The following RNF166 variants were observed in gnomAD, a reference collection of about 807,000 sequenced individuals.
The protein encoded by RNF166 is E3 ubiquitin-protein ligase RNF166.
In RNF166, 19 loss-of-function variants were observed where a neutral mutation model predicts 29.4. The ratio of observed to expected loss-of-function variants is 0.65; its 90% CI spans 0.45 to 0.95. RNF166 has a LOEUF of 0.95. Among genes scored for constraint, RNF166 ranks in the 40% least tolerant of loss-of-function variants. The probability of loss-of-function intolerance (pLI) is 0.00; values close to 1 mark genes in which losing one functional copy is unlikely to be tolerated. For missense variants in RNF166, 347 were observed against 322.1 expected, an observed-to-expected ratio of 1.08 and a Z score of -0.59; for synonymous variants, 171 against 134.5, an observed-to-expected ratio of 1.27 and a Z score of -1.88.
chr16:88,704,998 A>T (rs767233110), intron 1 of RNF166, among the ~76,000 whole-genome samples: 1 of 152,190 alleles, frequency 6.6e-6, no homozygotes, highest in Non-Finnish European at 1.5e-5. Context: ...CTCAAAAAAA[A>T]ATATTCCCGT....
intron 1 of RNF166, chr16:88,704,590 C>T (rs1053603691): frequency 1.0e-6 from 1 of 984,824 alleles, no homozygotes; most frequent in Non-Finnish European, 1.2e-6. Context: ...GCACCCAAAG[C>T]CTACGGGAGG....
chr16:88,701,800 G>A (rs1000433889), intron 1 of RNF166: 18 of 228,194 alleles, frequency 7.9e-5, no homozygotes, highest in Non-Finnish European at 1.4e-4. Context: ...GGGACAGCCC[G>A]GGGACTCTGG....
chr16:88,700,302 C>G (rs1188113766), intron 2 of RNF166, among the ~76,000 whole-genome samples: 1 of 152,200 alleles, frequency 6.6e-6, no homozygotes, highest in Non-Finnish European at 1.5e-5. Context: ...CCGGGAGACA[C>G]AGCCGCATCT....
At chr16:88,705,936 A>C (rs915344775) in intron 1 of RNF166, among the ~76,000 whole-genome samples, 4 of 151,956 alleles carry the variant, frequency 2.6e-5, no homozygotes, top group African/African-American at 7.2e-5. Flanking sequence ...CCGAAGCAGC[A>C]GTCGGACCGG....
rs577363499 is a variant in RNF166 at position 88,698,416 on chromosome 16, C to T, written c.648+86G>A. On this transcript the variant is annotated intron_variant, in intron 5 of 5. Coordinates refer to ENST00000312838, the MANE Select transcript of RNF166 (RefSeq NM_178841.4). ...TGTTTCTGGCTTCCTCTGAACCCTG[C>T]GGACCCTGAGGCTGGCGAGGGGCCC... The T allele has an allele frequency of 1.3e-3, 1,352 of 1,058,912 alleles. 2 individuals are homozygous for T. The highest frequency in any genetic ancestry group is 1.7e-3 in the Non-Finnish European group (1,202 of 697,858). 65.6% of individuals were successfully genotyped at this position (1,058,912 alleles called of 1,614,324 possible).
Position 88,706,345 on chromosome 16 carries a change from C to G in RNF166, c.-20G>C. ...AGCCATCCCGGGGCCAGGCCCGCGC[C>G]GCCCGCCGCCCGCTGTCCTGGCCCG... On this transcript the variant is annotated 5_prime_UTR_variant, in exon 1 of 6. Transcript: ENST00000312838. 8.2e-7 allele frequency: 1 copy of G among 1,212,586 alleles called. No homozygotes were observed. Among genetic ancestry groups the G allele is most frequent in the Non-Finnish European group, 1.0e-6 (1 of 975,868 alleles). The allele number at this position is 1,212,586 out of a possible 1,614,324, so 75.1% of individuals were successfully genotyped here. A position where few individuals can be genotyped will look rare whatever the true frequency, so the allele number is the denominator to read the frequency against.
Position 88,699,087 on chromosome 16 carries a change from T to C in RNF166, c.426-2A>G. On this transcript the variant is annotated splice_acceptor_variant, in intron 3 of 5. Coordinates refer to ENST00000312838, the MANE Select transcript of RNF166 (RefSeq NM_178841.4). LOFTEE classifies it high-confidence loss of function. Reference sequence around the variant, plus strand: ...AAGGTGGACCTGTTGGGGATGTTGCTGGCGGGGCGGGGGTAGAGTGAGTGG... The same window carrying C: ...AAGGTGGACCTGTTGGGGATGTTGCCGGCGGGGCGGGGGTAGAGTGAGTGG... 1.9e-6 allele frequency: 3 copies of C among 1,598,232 alleles called. No homozygotes were observed. Among genetic ancestry groups the C allele is most frequent in the Non-Finnish European group, 2.6e-6 (3 of 1,171,168 alleles).
chr16:88,703,537 G>A (rs1419102784), intron 1 of RNF166: 4 of 985,288 alleles, frequency 4.1e-6, no homozygotes, highest in Non-Finnish European at 4.8e-6. Context: ...GGCAGAACGA[G>A]GCACCCACAG....
rs1160890394 is a variant in RNF166 at position 88,698,554 on chromosome 16, T to C, written c.596A>G (p.Asn199Ser). Residue 199 changes from asparagine (N) to serine (S), a missense_variant, in exon 5 of 6, where the codon AAC becomes AGC. Asn to Ser is a conservative substitution (Grantham distance 46). Transcript: ENST00000312838. ...TCGGTGAAGCAGGTGCTGCAGGAAG[T>C]TGGCGCTCTTGTAGCTGGGGTCCCC... Reference protein sequence around the residue: ...PWGDPSYKSANFLQHLLHRHK... With the variant: ...PWGDPSYKSASFLQHLLHRHK... 2.5e-6 allele frequency: 4 copies of C among 1,572,718 alleles called. No individual in the cohort carries two copies. The highest frequency in any genetic ancestry group is 1.2e-5 in the South Asian group (1 of 85,674).
At chr16:88,700,837 G>A in intron 2 of RNF166, 1 of 1,055,056 alleles carries the variant, frequency 9.5e-7, no homozygotes, top group Non-Finnish European at 1.2e-6. Flanking sequence ...GGCCCTCCTG[G>A]CAGCTGGAGG....
intron 3 of RNF166, 108 bp from the exon 4 acceptor site, chr16:88,699,193 CAAGAG>C: frequency 1.2e-6 from 1 of 824,472 alleles, no homozygotes; most frequent in South Asian, 1.5e-5. Flanking sequence ...CTGTAGGCTG[CAAGAG>C]CGTGGCAGTG....
chr16:88,703,002 G>A (rs1182376201), intron 1 of RNF166: 3 of 985,280 alleles, frequency 3.0e-6, no homozygotes, highest in Admixed American at 6.1e-5. Context: ...AAGAGACGGC[G>A]TGGCGTGCAC....
At chr16:88,703,705 G>C in intron 1 of RNF166, 4 of 985,510 alleles carry the variant, frequency 4.1e-6, no homozygotes, top group Middle Eastern at 5.2e-4. Context: ...AAGTGGCTGA[G>C]GGCGATGGGT....
intron 1 of RNF166, chr16:88,704,595 G>C (rs569138260): frequency 2.0e-6 from 2 of 983,282 alleles, no homozygotes; most frequent in African/African-American, 1.7e-5. Flanking sequence ...CAAAGCCTAC[G>C]GGAGGCTTTT....
Position 88,697,582 on chromosome 16 carries a change from G to C in RNF166, c.700C>G (p.Leu234Val). ...TGCGCTTCCCTTCAGTTCTCAGAGA[G>C]AGACAGGGCCAGAGCAGCCTGGAAG... ...AAFQAALALS[L>V]SEN is the part of the protein sequence containing the mutation. Residue 234 changes from leucine to valine, a missense_variant, in exon 6 of 6, where the codon CTC (leucine) becomes GTC (valine). Transcript: ENST00000312838. 6.4e-7 allele frequency: 1 copy of C among 1,550,622 alleles called. No homozygotes were observed.
chr16:88,704,778 T>C (rs1597414648), intron 1 of RNF166, among the ~76,000 whole-genome samples: 1 of 151,980 alleles, frequency 6.6e-6, no homozygotes. Flanking sequence ...TCACCGGAGG[T>C]CAGGAGTTCG....
chr16:88,697,704 C>G (rs1449143695), intron 5 of RNF166, 71 bp from the exon 6 acceptor site: 2 of 1,172,422 alleles, frequency 1.7e-6, no homozygotes, highest in Non-Finnish European at 1.2e-6. Flanking sequence ...TGCCCATCAC[C>G]CACACAGGCG....
At chr16:88,704,624 C>A in intron 1 of RNF166, 3 of 884,860 alleles carry the variant, frequency 3.4e-6, no homozygotes, top group Non-Finnish European at 4.1e-6. Context: ...AGGCCTAAGT[C>A]AAGCCTCACA....
intron 2 of RNF166, chr16:88,700,542 C>G (rs902832032): frequency 3.2e-6 from 3 of 940,940 alleles, no homozygotes; most frequent in African/African-American, 1.8e-5. Context: ...CGAGGGGCCA[C>G]GTACTAGTGT....
Sources: allele counts gnomAD v4.1 joint callset (sites outside exome capture counted in the v4.1 genomes callset), GRCh38; gene constraint gnomAD v4.1.1; transcripts MANE v1.5; gene names NCBI Gene and HGNC (gene_info 2026-07-23, HGNC 2026-07-21).